RARS2: variants seen among roughly 807,000 people sequenced by gnomAD.
RARS2 encodes probable arginine--tRNA ligase, mitochondrial.
Under a neutral mutation model 88.5 loss-of-function variants are expected in RARS2, and 67 were observed. The observed-to-expected ratio is 0.76, with a 90% CI of 0.62 to 0.93. The LOEUF (loss-of-function observed/expected upper bound fraction) is 0.93, where lower values mean the gene tolerates loss of function less well. Ranked by LOEUF, RARS2 falls within the 40% of genes least tolerant of loss-of-function variation. The pLI is 0.00. For missense variants in RARS2, 664 were observed against 684.2 expected (o/e 0.97, Z 0.33); for synonymous variants, 239 against 230.3 (o/e 1.04, Z -0.34).
In RARS2 at chr6:87,589,861, T is replaced by G. The variant is rs889214155; in HGVS notation, c.36+61A>C. The G allele has an allele frequency of 2.5e-6, 4 of 1,613,846 alleles. No individual in the cohort carries two copies. The African/African-American group carries it at 4.0e-5, about 16-fold the overall frequency. On this transcript the variant is annotated intron_variant, in intron 1 of 19. Transcript: ENST00000369536. ...CTGACTGAGGACTGGCCCGCAGCGG[T>G]GAAAGGCCTTTGGGGTCCCTAGCTC...
rs1205475603 is a variant in RARS2 at position 87,578,118 on chromosome 6, C to CCG, written c.37-8529_37-8528insCG. Among the ~76,000 whole-genome samples, 1,255 of 149,662 alleles carry CCG rather than the reference C, an allele frequency of 8.4e-3. 32 individuals carry two copies. The highest frequency in any genetic ancestry group is 0.03 in the African/African-American group (1,189 of 39,658). ...GGCAACATAGCGAGACCCCCCCCCC[C>CCG]GCCATCTCTATTTAAAAATAAAAAT... On this transcript the variant is annotated intron_variant, in intron 1 of 19. Coordinates refer to ENST00000369536, the MANE Select transcript of RARS2 (RefSeq NM_020320.5).
intron 4 of RARS2, among the ~76,000 whole-genome samples, chr6:87,557,111 G>A (rs1189759452): frequency 2.0e-5 from 3 of 152,134 alleles, no homozygotes; most frequent in East Asian, 3.9e-4. Flanking sequence ...CTAGGTCCAA[G>A]ACCAAGTGCT....
At chr6:87,552,032 T>C (rs1441541399) in intron 5 of RARS2, among the ~76,000 whole-genome samples, 1 of 152,158 alleles carries the variant, frequency 6.6e-6, no homozygotes, top group Non-Finnish European at 1.5e-5. Flanking sequence ...ATCACACTGC[T>C]CCTAAATCAG....
rs563163071 is a variant in RARS2 at position 87,582,006 on chromosome 6, T to C, written c.36+7916A>G. ...CACATTTTCTTTATCCAGTCTATCA[T>C]TGATGGGCATTTGGGTTGATTCCAT... On this transcript the variant is annotated intron_variant, in intron 1 of 19. Transcript: ENST00000369536. 4.5e-3 allele frequency among the ~76,000 whole-genome samples: 682 copies of C among 152,348 alleles called. 6 individuals carry two copies. The highest frequency in any genetic ancestry group is 0.014 in the Middle Eastern group (4 of 294).
At chr6:87,529,515 T>C (rs758720333) in intron 10 of RARS2, 27 bp downstream of exon 10, 15 of 1,339,008 alleles carry the variant, frequency 1.1e-5, no homozygotes, top group East Asian at 2.3e-5. Context: ...CAAATAATTT[T>C]ACTGAAGAAT....
At position 87,514,375 on chromosome 6, in the gene RARS2, G is replaced by T; in HGVS notation, c.*38C>A. 2 of 1,350,122 alleles carry T rather than the reference G, an allele frequency of 1.5e-6. No homozygotes were observed. The highest frequency in any genetic ancestry group is 2.1e-6 in the Non-Finnish European group (2 of 941,554). The allele number at this position is 1,350,122 out of a possible 1,614,324, so 83.6% of individuals were successfully genotyped here. On this transcript the variant is annotated 3_prime_UTR_variant, in exon 20 of 20. Coordinates refer to ENST00000369536, the MANE Select transcript of RARS2 (RefSeq NM_020320.5). ...CAAGGCATCTCAGAATAGATAACTA[G>T]AATTCACTTGACATTTTAAAAGCCA... is the stretch of plus-strand genomic sequence containing the variant.
chr6:87,588,260 ATT>A (rs569267194), intron 1 of RARS2, among the ~76,000 whole-genome samples: 2 of 152,148 alleles, frequency 1.3e-5, no homozygotes, highest in South Asian at 2.1e-4. Context: ...TGAATTTATT[ATT>A]TTTTGTCTTC....
chr6:87,536,538 G>A (rs1199455237), intron 8 of RARS2, among the ~76,000 whole-genome samples: 1 of 151,666 alleles, frequency 6.6e-6, no homozygotes, highest in Non-Finnish European at 1.5e-5. Flanking sequence ...TCAGGAGGCT[G>A]AGGCAGGAGA....
chr6:87,587,138 G>T (rs899877359), intron 1 of RARS2, among the ~76,000 whole-genome samples: 1 of 152,066 alleles, frequency 6.6e-6, no homozygotes, highest in African/African-American at 2.4e-5. Context: ...GCCTGTCTCA[G>T]TCTCTCCAAG....
At chr6:87,564,636 T>C in intron 2 of RARS2, 1 of 303,040 alleles carries the variant, frequency 3.3e-6, no homozygotes, top group Non-Finnish European at 6.4e-6. Flanking sequence ...GCCACTGCAC[T>C]CCAGCCTGGG....
rs753118225 is a variant in RARS2, at chr6:87,564,161, A to G, written c.182T>C (p.Ile61Thr). ...TGCTAGTCTCTTGGCTTGAACTTGAATATCTGGTCTTGAATGGTCATTGTC... is the reference window on the plus strand; with the variant it reads ...TGCTAGTCTCTTGGCTTGAACTTGAGTATCTGGTCTTGAATGGTCATTGTC... ...EKDNDHSRPD[I>T]QVQAKRLAEK... is the part of the protein sequence containing the mutation. The change falls in exon 3 of 20, where the codon ATT becomes ACT. Residue 61 changes from isoleucine to threonine, a missense_variant. Coordinates refer to ENST00000369536, the MANE Select transcript of RARS2 (RefSeq NM_020320.5). 1.7e-5 allele frequency: 28 copies of G among 1,613,086 alleles called. No homozygotes were observed. Among genetic ancestry groups the G allele is most frequent in the Non-Finnish European group, 2.4e-5 (28 of 1,179,166 alleles).
At position 87,514,407 on chromosome 6, in the gene RARS2, T is replaced by G. The variant is rs1317807993; in HGVS notation, c.*6A>C. 3.8e-6 allele frequency: 6 copies of G among 1,583,728 alleles called. No homozygotes were observed. Among genetic ancestry groups the G allele is most frequent in the Non-Finnish European group, 5.2e-6 (6 of 1,152,454 alleles). On this transcript the variant is annotated 3_prime_UTR_variant, in exon 20 of 20. Transcript: ENST00000369536. ...CTTGACATTTTAAAAGCCATTTTAA[T>G]GGAAATTACATCCTACATACAGGTG... is the stretch of plus-strand genomic sequence containing the variant.
intron 12 of RARS2, among the ~76,000 whole-genome samples, chr6:87,520,715 G>A (rs1773549629): frequency 6.6e-6 from 1 of 152,144 alleles, no homozygotes; most frequent in South Asian, 2.1e-4. Flanking sequence ...TAGTTCTCCA[G>A]GGCATTCATT....
intron 1 of RARS2, among the ~76,000 whole-genome samples, chr6:87,585,261 G>C (rs1288649380): frequency 6.6e-6 from 1 of 152,178 alleles, no homozygotes; most frequent in Non-Finnish European, 1.5e-5. Context: ...CACTTTGCTG[G>C]TGCTGAGGAA....
chr6:87,518,914 T>C, intron 14 of RARS2, 23 bp from the exon 15 acceptor site: 1 of 1,610,178 alleles, frequency 6.2e-7, no homozygotes. Context: ...AAGGCAGCTA[T>C]CTTTAGTCTA....
At chr6:87,541,423 T>C (rs1251975324) in intron 8 of RARS2, among the ~76,000 whole-genome samples, 1 of 152,198 alleles carries the variant, frequency 6.6e-6, no homozygotes, top group Non-Finnish European at 1.5e-5. Flanking sequence ...GCAATCCTCC[T>C]GCCTTGGCCT....
At chr6:87,520,749 T>C (rs1309576484) in intron 12 of RARS2, among the ~76,000 whole-genome samples, 1 of 152,152 alleles carries the variant, frequency 6.6e-6, no homozygotes, top group Non-Finnish European at 1.5e-5. Flanking sequence ...AAAGCCAATC[T>C]CAAAGGTTAC....
At chr6:87,535,608 G>A (rs577954439) in intron 8 of RARS2, among the ~76,000 whole-genome samples, 2 of 151,564 alleles carry the variant, frequency 1.3e-5, no homozygotes, top group East Asian at 3.9e-4. Context: ...TACTGAAATA[G>A]AACCTTTGGA....
At chr6:87,569,893 T>TAAA (rs1181812503) in intron 1 of RARS2, among the ~76,000 whole-genome samples, 1 of 136,808 alleles carries the variant, frequency 7.3e-6, no homozygotes, top group African/African-American at 2.7e-5. Context: ...CTTCGTAAAT[T>TAAA]AAAAAAAAAA....
Sources: allele counts gnomAD v4.1 joint callset (sites outside exome capture counted in the v4.1 genomes callset), GRCh38; gene constraint gnomAD v4.1.1; transcripts MANE v1.5; gene names NCBI Gene and HGNC (gene_info 2026-07-23, HGNC 2026-07-21).